KIF26B: variants seen among roughly 807,000 people sequenced by gnomAD.
The protein encoded by KIF26B is kinesin family member 26B, also known as kinesin-like protein KIF26B.
Under a neutral mutation model 151.2 loss-of-function variants are expected in KIF26B, and 63 were observed. The ratio of observed to expected loss-of-function variants is 0.42; its 90% CI spans 0.34 to 0.51. KIF26B has a LOEUF of 0.51. Among genes scored for constraint, KIF26B ranks in the 20% least tolerant of loss-of-function variants. The pLI is 0.07. For missense variants in KIF26B, 2,813 were observed against 2,913.6 expected (o/e 0.97, Z 0.79); for synonymous variants, 1,357 against 1,262.1 (o/e 1.08, Z -1.59).
intron 2 of KIF26B, among the ~76,000 whole-genome samples, chr1:245,172,790 A>G (rs1377109927): frequency 6.6e-6 from 1 of 152,212 alleles, no homozygotes; most frequent in Non-Finnish European, 1.5e-5. Flanking sequence ...AGCCTGGGTG[A>G]CAGAGCGAGA....
Position 245,479,945 on chromosome 1 carries a change from T to C in KIF26B, c.1166+60200T>C, listed in dbSNP as rs55743955. On this transcript the variant is annotated intron_variant, in intron 4 of 14. Transcript: ENST00000407071. ...GATTGCAAATAGACAAATTTCCACTTAAATAAGAAAAAACTTTCAAATAAT... is the reference window on the plus strand; with the variant it reads ...GATTGCAAATAGACAAATTTCCACTCAAATAAGAAAAAACTTTCAAATAAT... Among the ~76,000 whole-genome samples, 359 of 151,902 alleles carry C rather than the reference T, an allele frequency of 2.4e-3. 3 individuals carry two copies. The highest frequency in any genetic ancestry group is 8.5e-3 in the African/African-American group (354 of 41,526).
At chr1:245,262,104 G>A (rs992031304) in intron 2 of KIF26B, among the ~76,000 whole-genome samples, 4 of 152,110 alleles carry the variant, frequency 2.6e-5, no homozygotes, top group Admixed American at 6.6e-5. Context: ...CACACAGATC[G>A]GGCATGTCTT....
intron 2 of KIF26B, among the ~76,000 whole-genome samples, chr1:245,235,150 C>A (rs906703236): frequency 1.3e-5 from 2 of 152,076 alleles, no homozygotes; most frequent in African/African-American, 4.8e-5. Flanking sequence ...GGAAAATATT[C>A]GAATATGTTA....
intron 2 of KIF26B, among the ~76,000 whole-genome samples, chr1:245,312,501 T>A (rs900019229): frequency 6.6e-6 from 1 of 152,090 alleles, no homozygotes; most frequent in Non-Finnish European, 1.5e-5. Flanking sequence ...ATTCATTCCT[T>A]TTCTTCTCCC....
rs550602914 is a variant in KIF26B at position 245,533,025 on chromosome 1, G to A, written c.1167-7742G>A. 7.2e-5 allele frequency among the ~76,000 whole-genome samples: 11 copies of A among 152,336 alleles called. No homozygotes were observed. The South Asian group carries it at 2.1e-3, about 29-fold the overall frequency. On this transcript the variant is annotated intron_variant, in intron 4 of 14. Coordinates refer to ENST00000407071, the MANE Select transcript of KIF26B (RefSeq NM_018012.4). Reference sequence around the variant, plus strand: ...GTGTCTGGGAGCTCTGCCTCAGAACGTAGGATCTTGTTCCCTATCCCTGCT... The same window carrying A: ...GTGTCTGGGAGCTCTGCCTCAGAACATAGGATCTTGTTCCCTATCCCTGCT...
At chr1:245,429,045 A>T (rs969033729) in intron 4 of KIF26B, among the ~76,000 whole-genome samples, 10 of 152,174 alleles carry the variant, frequency 6.6e-5, no homozygotes, top group African/African-American at 2.4e-4. Context: ...AAGCTGGAGA[A>T]GCCCAGGCTT....
intron 2 of KIF26B, among the ~76,000 whole-genome samples, chr1:245,354,964 A>G (rs964195074): frequency 1.3e-5 from 2 of 152,178 alleles, no homozygotes; most frequent in African/African-American, 4.8e-5. Context: ...TCTGTCACCC[A>G]GGCTAGAGTG....
In KIF26B at chr1:245,703,159, C is replaced by T. The variant is rs1041414851; in HGVS notation, c.*553C>T. The T allele has an allele frequency of 1.3e-5, 2 of 152,706 alleles. No individual in the cohort carries two copies. Among genetic ancestry groups the T allele is most frequent in the Non-Finnish European group, 2.9e-5 (2 of 68,140 alleles). 9.5% of individuals were successfully genotyped at this position (152,706 alleles called of 1,614,324 possible). Reference sequence around the variant, plus strand: ...GCTCTTTTTCTCTTGGTGTTTTATCCTATTTCTGACTTGCTGTTTCTAAGT... The same window carrying T: ...GCTCTTTTTCTCTTGGTGTTTTATCTTATTTCTGACTTGCTGTTTCTAAGT... On this transcript the variant is annotated 3_prime_UTR_variant, in exon 15 of 15. Transcript: ENST00000407071.
At chr1:245,619,435 T>TA (rs1295645701) in intron 9 of KIF26B, among the ~76,000 whole-genome samples, 2 of 152,186 alleles carry the variant, frequency 1.3e-5, no homozygotes, top group Non-Finnish European at 2.9e-5. Flanking sequence ...CCCTCTTTAC[T>TA]AAAATTACAA....
intron 4 of KIF26B, among the ~76,000 whole-genome samples, chr1:245,427,246 C>T (rs1466078280): frequency 6.6e-6 from 1 of 152,188 alleles, no homozygotes; most frequent in African/African-American, 2.4e-5. Context: ...CAAGTTCTGC[C>T]TCCAGTTTCA....
chr1:245,571,805 A>G (rs2043068603), intron 5 of KIF26B, among the ~76,000 whole-genome samples: 1 of 152,190 alleles, frequency 6.6e-6, no homozygotes, highest in Admixed American at 6.5e-5. Flanking sequence ...CACGCCCTGT[A>G]AGGACATTCA....
chr1:245,363,236 G>A (rs1434734620), intron 2 of KIF26B, among the ~76,000 whole-genome samples: 1 of 152,166 alleles, frequency 6.6e-6, no homozygotes, highest in Non-Finnish European at 1.5e-5. Context: ...TCGCTCTGTT[G>A]TCCAGGCTGG....
chr1:245,473,329 T>C (rs1172433284), intron 4 of KIF26B, among the ~76,000 whole-genome samples: 1 of 152,236 alleles, frequency 6.6e-6, no homozygotes, highest in Non-Finnish European at 1.5e-5. Context: ...TTGATGTTTC[T>C]GATTTACCTG....
chr1:245,275,011 G>A (rs552724081), intron 2 of KIF26B, among the ~76,000 whole-genome samples: 2 of 152,222 alleles, frequency 1.3e-5, no homozygotes, highest in Non-Finnish European at 2.9e-5. Context: ...TTTAATGATC[G>A]CCATTCTAAC....
chr1:245,233,938 T>C (rs1218268112), intron 2 of KIF26B, among the ~76,000 whole-genome samples: 3 of 152,240 alleles, frequency 2.0e-5, no homozygotes, highest in East Asian at 1.9e-4. Context: ...TCCCAGCAAT[T>C]TGGGAGGCTG....
chr1:245,465,132 C>T (rs187428808), intron 4 of KIF26B, among the ~76,000 whole-genome samples: 767 of 60,334 alleles, frequency 0.013, 1 homozygote, highest in Non-Finnish European at 0.019. Flanking sequence ...GCGCCCGCCA[C>T]CACACCCGGC....
At chr1:245,524,158 C>T (rs1661187979) in intron 4 of KIF26B, among the ~76,000 whole-genome samples, 1 of 152,116 alleles carries the variant, frequency 6.6e-6, no homozygotes, top group Admixed American at 6.5e-5. Context: ...ATTTTATGGA[C>T]GCTAAGGCAA....
chr1:245,605,669 G>A (rs1013991477), intron 6 of KIF26B, among the ~76,000 whole-genome samples: 2 of 152,142 alleles, frequency 1.3e-5, no homozygotes, highest in African/African-American at 4.8e-5. Context: ...CATGGGGGCT[G>A]TGCTCGAGAA....
At chr1:245,202,945 A>AAAAC (rs1558343713) in intron 2 of KIF26B, among the ~76,000 whole-genome samples, 4 of 148,592 alleles carry the variant, frequency 2.7e-5, no homozygotes, top group Admixed American at 2.0e-4. Flanking sequence ...CTGTCTCAAA[A>AAAAC]AAAACAAAAC....
Sources: allele counts gnomAD v4.1 joint callset (sites outside exome capture counted in the v4.1 genomes callset), GRCh38; gene constraint gnomAD v4.1.1; transcripts MANE v1.5; gene names NCBI Gene and HGNC (gene_info 2026-07-23, HGNC 2026-07-21).